The following FGD6 variants were observed in gnomAD, a reference collection of about 807,000 sequenced individuals.
FGD6 encodes the protein FYVE, RhoGEF and PH domain-containing protein 6.
Under a neutral mutation model 149.4 loss-of-function variants are expected in FGD6, and 90 were observed. The ratio of observed to expected loss-of-function variants is 0.60; its 90% confidence interval spans 0.51 to 0.72. The LOEUF is 0.72. FGD6 is among the 30% of genes least tolerant of loss of function. The probability of loss-of-function intolerance (pLI) is 0.00; values close to 1 mark genes in which losing one functional copy is unlikely to be tolerated. For synonymous variants in FGD6, 527 were observed against 584.0 expected (o/e 0.90, Z 1.41); for missense variants, 1,437 against 1,684.8 (o/e 0.85, Z 2.57).
intron 8 of FGD6, among the ~76,000 whole-genome samples, chr12:95,121,096 A>C (rs1879170901): frequency 6.6e-6 from 1 of 152,056 alleles, no homozygotes; most frequent in Non-Finnish European, 1.5e-5. Flanking sequence ...TAATGGTGCA[A>C]ATGTGCCTCA....
intron 3 of FGD6, among the ~76,000 whole-genome samples, chr12:95,159,100 G>A (rs12312350): frequency 0.16 from 23,845 of 151,878 alleles, 2,554 homozygotes; most frequent in African/African-American, 0.29. Context: ...GCACGAGCTC[G>A]ACACAAAAAT....
At chr12:95,152,339 A>G (rs1880335629) in intron 5 of FGD6, among the ~76,000 whole-genome samples, 1 of 152,202 alleles carries the variant, frequency 6.6e-6, no homozygotes, top group Admixed American at 6.5e-5. Context: ...AATCAAAAAA[A>G]CAAAAAAAAG....
chr12:95,210,764 AAAC>A lies in FGD6; in HGVS notation c.517_519del (p.Val173del), dbSNP rs2056722000. 6.2e-7 allele frequency: 1 copy of A among 1,614,124 alleles called. No individual in the cohort carries two copies. Among genetic ancestry groups the A allele is most frequent in the Non-Finnish European group, 8.5e-7 (1 of 1,180,026 alleles). On this transcript the variant is annotated inframe_deletion, in exon 2 of 21. Coordinates refer to ENST00000343958, the MANE Select transcript of FGD6 (RefSeq NM_018351.4). ...TCCTCTTCTAAAACGCTTGCCTTTA[AAAC>A]AACCCCACCCTGGTTCTTGGCTTTT...
chr12:95,106,850 T>C (rs533506593), intron 13 of FGD6, 104 bp downstream of exon 13: 68 of 890,428 alleles, frequency 7.6e-5, no homozygotes, highest in African/African-American at 6.0e-4. Flanking sequence ...GCCAAGATTG[T>C]ACCACTGCAC....
At chr12:95,096,995 G>T (rs917168434) in intron 14 of FGD6, among the ~76,000 whole-genome samples, 3 of 152,178 alleles carry the variant, frequency 2.0e-5, no homozygotes, top group African/African-American at 7.2e-5. Flanking sequence ...GATTCTTCTG[G>T]AGCCCGGGGA....
chr12:95,177,281 G>C (rs769145558), intron 2 of FGD6, among the ~76,000 whole-genome samples: 1 of 152,148 alleles, frequency 6.6e-6, no homozygotes, highest in Non-Finnish European at 1.5e-5. Context: ...GCAAGGAGAA[G>C]GGATAAGGGA....
chr12:95,167,480 T>G (rs1323067632), intron 3 of FGD6, among the ~76,000 whole-genome samples: 1 of 152,208 alleles, frequency 6.6e-6, no homozygotes, highest in Admixed American at 6.5e-5. Flanking sequence ...CGGCTTATGA[T>G]GTTGAACACC....
At position 95,116,149 on chromosome 12, in the gene FGD6, T is replaced by C. The variant is rs575788203; in HGVS notation, c.3083-2448A>G. ...CCCCATCTGGAGATGAAAATAAATA[T>C]TCTCACTCTGACCCCACTCAGAATG... On this transcript the variant is annotated intron_variant, in intron 8 of 20. Transcript: ENST00000343958. Among the ~76,000 whole-genome samples, 7 of 152,336 alleles carry C rather than the reference T, an allele frequency of 4.6e-5. No homozygotes were observed. In the East Asian group the frequency reaches 1.3e-3, roughly 29 times the overall value.
chr12:95,202,115 C>A (rs76412799), intron 2 of FGD6, among the ~76,000 whole-genome samples: 1 of 151,792 alleles, frequency 6.6e-6, no homozygotes, highest in East Asian at 1.9e-4. Context: ...ATGGGCTGGC[C>A]GCGGTGAGTC....
intron 5 of FGD6, among the ~76,000 whole-genome samples, chr12:95,144,444 G>A (rs1328963233): frequency 6.6e-6 from 1 of 152,086 alleles, no homozygotes; most frequent in Non-Finnish European, 1.5e-5. Flanking sequence ...CCAGGCTGGA[G>A]TGCAATGGCG....
At chr12:95,147,453 CATA>C (rs2078030716) in intron 5 of FGD6, among the ~76,000 whole-genome samples, 1 of 152,082 alleles carries the variant, frequency 6.6e-6, no homozygotes, top group African/African-American at 2.4e-5. Flanking sequence ...AAGTAATCAT[CATA>C]ATAACTCTAA....
chr12:95,091,637 T>G, intron 17 of FGD6, 70 bp downstream of exon 17: 1 of 1,007,028 alleles, frequency 9.9e-7, no homozygotes, highest in East Asian at 2.5e-5. Flanking sequence ...AAGGTGTTTC[T>G]CTCAGAAGGT....
At chr12:95,183,658 T>G (rs1881346195) in intron 2 of FGD6, among the ~76,000 whole-genome samples, 1 of 152,066 alleles carries the variant, frequency 6.6e-6, no homozygotes, top group Admixed American at 6.5e-5. Context: ...AGGCAACACA[T>G]GGAGATCCCA....
intron 5 of FGD6, among the ~76,000 whole-genome samples, chr12:95,142,825 A>C (rs1203289011): frequency 1.3e-5 from 2 of 152,184 alleles, no homozygotes; most frequent in Non-Finnish European, 2.9e-5. Context: ...CAGGGTTTAC[A>C]CTTTTCACAA....
intron 2 of FGD6, among the ~76,000 whole-genome samples, chr12:95,202,022 T>G (rs946888016): frequency 6.6e-6 from 1 of 151,832 alleles, no homozygotes; most frequent in African/African-American, 2.4e-5. Flanking sequence ...CATACATTTT[T>G]GTAGTCTATA....
intron 2 of FGD6, among the ~76,000 whole-genome samples, chr12:95,186,130 T>C (rs949755203): frequency 1.3e-5 from 2 of 151,282 alleles, no homozygotes; most frequent in Non-Finnish European, 1.5e-5. Flanking sequence ...TCCATCCTAA[T>C]ATCTCACACA....
At chr12:95,108,626 TAAGCAATTCCAGGGGAC>T in intron 9 of FGD6, 65 bp from the exon 10 acceptor site, 2 of 1,574,164 alleles carry the variant, frequency 1.3e-6, no homozygotes, top group Admixed American at 3.4e-5. Flanking sequence ...TTTGCAACAT[TAAGCAATTCCAGGGGAC>T]AAGATAGCTA....
intron 14 of FGD6, among the ~76,000 whole-genome samples, chr12:95,096,180 G>T (rs1352942028): frequency 6.6e-6 from 1 of 152,016 alleles, no homozygotes; most frequent in African/African-American, 2.4e-5. Context: ...AAGTATATTT[G>T]AACTCTTAAA....
At chr12:95,159,202 C>CT (rs1480927095) in intron 3 of FGD6, among the ~76,000 whole-genome samples, 6 of 152,098 alleles carry the variant, frequency 3.9e-5, no homozygotes, top group African/African-American at 1.4e-4. Flanking sequence ...TACTCTGTAA[C>CT]TTTTTTTTCT....
Sources: gnomAD v4.1 joint callset for allele counts (sites outside exome capture counted in the v4.1 genomes callset) on GRCh38, gnomAD v4.1.1 for gene constraint, MANE v1.5 for transcripts, NCBI Gene and HGNC (gene_info 2026-07-23, HGNC 2026-07-21) for gene names.